The following SERPINB10 variants were observed in gnomAD, a reference collection of about 807,000 sequenced individuals.
The protein encoded by SERPINB10 is serpin B10.
In SERPINB10, 35 loss-of-function variants were observed where a neutral mutation model predicts 39.1. The observed-to-expected ratio is 0.90, with a 90% confidence interval of 0.68 to 1.19. SERPINB10 has a LOEUF of 1.19. SERPINB10 is among the 50% of genes most tolerant of loss of function. The pLI, the probability that SERPINB10 is intolerant of heterozygous loss-of-function variation, is 0.00. For synonymous variants in SERPINB10, 190 were observed against 158.1 expected (o/e 1.20, Z -1.52); for missense variants, 546 against 460.5 (o/e 1.19, Z -1.70).
At chr18:63,930,359 CCT>C (rs2050213738) in intron 6 of SERPINB10, among the ~76,000 whole-genome samples, 172 bp downstream of exon 6, 1 of 152,062 alleles carries the variant, frequency 6.6e-6, no homozygotes. Context: ...TTGAAATTCC[CCT>C]GTCCTTGTTT....
intron 5 of SERPINB10, among the ~76,000 whole-genome samples, chr18:63,920,731 G>T (rs1173639761): frequency 6.6e-6 from 1 of 151,942 alleles, no homozygotes; most frequent in East Asian, 1.9e-4. Flanking sequence ...GACTTTCCTA[G>T]TTTTAGGATC....
intron 4 of SERPINB10, among the ~76,000 whole-genome samples, chr18:63,919,448 C>T (rs181689441): frequency 6.6e-6 from 1 of 151,922 alleles, no homozygotes; most frequent in Non-Finnish European, 1.5e-5. Context: ...CTCTTGGCCA[C>T]TGGGGTCACT....
rs190415918 is a variant in SERPINB10, at chr18:63,933,030, T to A, written c.634-18T>A. The A allele has an allele frequency of 1.4e-5, 22 of 1,603,912 alleles. No individual in the cohort carries two copies. The African/African-American group carries it at 2.7e-4, about 20-fold the overall frequency. On this transcript the variant is annotated intron_variant, in intron 6 of 7. Transcript: ENST00000238508. ...AATGACCTTGTTACCTGTTTTTTTG[T>A]TTTTTTGTTTTTTTTAGACTACAAG...
At chr18:63,922,697 G>T (rs752263116) in intron 5 of SERPINB10, among the ~76,000 whole-genome samples, 2 of 151,910 alleles carry the variant, frequency 1.3e-5, no homozygotes, top group Non-Finnish European at 2.9e-5. Flanking sequence ...TGCACTGAAG[G>T]TACATAACAA....
At chr18:63,918,709 T>A (rs2050123303) in intron 4 of SERPINB10, among the ~76,000 whole-genome samples, 2 of 152,050 alleles carry the variant, frequency 1.3e-5, no homozygotes, top group Admixed American at 1.3e-4. Flanking sequence ...CAAGCAATGC[T>A]ATCTCTGTTC....
chr18:63,930,122 A>G lies in SERPINB10; in HGVS notation c.568A>G (p.Lys190Glu). The G allele has an allele frequency of 6.2e-7, 1 of 1,613,652 alleles. No homozygotes were observed. ...GATTCTGGTGAACGCCCTATACTTTAAAGGAATCTGGGAACATCAATTCTT... is the reference window on the plus strand; with the variant it reads ...GATTCTGGTGAACGCCCTATACTTTGAAGGAATCTGGGAACATCAATTCTT... ...RMILVNALYF[K>E]GIWEHQFLVQ... The change falls in exon 6 of 8, where the codon AAA (lysine) becomes GAA (glutamate). Residue 190 changes from lysine to glutamate, a missense_variant. By Grantham distance (56) the Lys-to-Glu change is moderately conservative. Coordinates refer to ENST00000238508, the MANE Select transcript of SERPINB10 (RefSeq NM_005024.3).
intron 7 of SERPINB10, among the ~76,000 whole-genome samples, chr18:63,934,162 C>T (rs1267079199): frequency 2.6e-5 from 4 of 152,136 alleles, no homozygotes; most frequent in Non-Finnish European, 4.4e-5. Context: ...TTGAAACAAA[C>T]ATGTCATTTA....
At chr18:63,909,608 A>G (rs73478025) in intron 1 of SERPINB10, among the ~76,000 whole-genome samples, 6,416 of 152,086 alleles carry the variant, frequency 0.042, 495 homozygotes, top group African/African-American at 0.15. Context: ...TTTCAGGAAC[A>G]TGTTACAAGT....
intron 7 of SERPINB10, among the ~76,000 whole-genome samples, chr18:63,934,212 G>GTATATATA (rs535510272): frequency 6.6e-6 from 1 of 151,878 alleles, no homozygotes; most frequent in Non-Finnish European, 1.5e-5. Context: ...GTATTTTTGT[G>GTATATATA]TATACATATA....
intron 5 of SERPINB10, among the ~76,000 whole-genome samples, chr18:63,929,173 C>T (rs950282420): frequency 2.6e-5 from 4 of 152,168 alleles, no homozygotes; most frequent in South Asian, 2.1e-4. Flanking sequence ...CAGCTTTCCA[C>T]CTTCTCTTAA....
intron 5 of SERPINB10, among the ~76,000 whole-genome samples, chr18:63,922,745 C>A (rs1472827616): frequency 1.3e-5 from 2 of 152,080 alleles, no homozygotes; most frequent in East Asian, 1.9e-4. Flanking sequence ...TCCAGAAGAT[C>A]TTCCTATGAT....
chr18:63,915,653 G>A lies in SERPINB10; in HGVS notation c.143G>A (p.Gly48Asp). 1 of 1,611,508 alleles carries A rather than the reference G, an allele frequency of 6.2e-7. No homozygotes were observed. Among genetic ancestry groups the A allele is most frequent in the East Asian group, 2.2e-5 (1 of 44,784 alleles). Residue 48 changes from glycine (G) to aspartate (D), a missense_variant, in exon 2 of 8, where the codon GGT becomes GAT. Transcript: ENST00000238508. Reference sequence around the variant, plus strand: ...ACCATAGTGTATTTGGGCGCCAAAGGTACCACTGCAGCCCAAATGGCCCAG... The same window carrying A: ...ACCATAGTGTATTTGGGCGCCAAAGATACCACTGCAGCCCAAATGGCCCAG... ...SLTIVYLGAKGTTAAQMAQVL... is the reference protein window; with the variant it reads ...SLTIVYLGAKDTTAAQMAQVL...
chr18:63,929,146 C>A (rs1345211431), intron 5 of SERPINB10, among the ~76,000 whole-genome samples: 6 of 152,036 alleles, frequency 3.9e-5, no homozygotes, highest in African/African-American at 1.4e-4. Context: ...TGCCAAAACT[C>A]AAACCCTATC....
chr18:63,921,123 A>C (rs1178119386), intron 5 of SERPINB10, among the ~76,000 whole-genome samples: 1 of 152,010 alleles, frequency 6.6e-6, no homozygotes, highest in Non-Finnish European at 1.5e-5. Flanking sequence ...TTATGAAGAA[A>C]TACAAAGGCA....
intron 5 of SERPINB10, among the ~76,000 whole-genome samples, chr18:63,920,925 C>T (rs1479364391): frequency 6.6e-6 from 1 of 151,852 alleles, no homozygotes; most frequent in Non-Finnish European, 1.5e-5. Context: ...ATTTAACAGT[C>T]TTTTATTGTT....
intron 5 of SERPINB10, among the ~76,000 whole-genome samples, chr18:63,929,470 A>G (rs1005312835): frequency 6.6e-6 from 1 of 152,054 alleles, no homozygotes. Flanking sequence ...GAGTATATTA[A>G]CAATGACATA....
At chr18:63,921,858 C>T (rs1741747118) in intron 5 of SERPINB10, among the ~76,000 whole-genome samples, 3 of 151,896 alleles carry the variant, frequency 2.0e-5, no homozygotes, top group South Asian at 4.1e-4. Flanking sequence ...CCCGAACTCC[C>T]TGTGCTACTT....
At chr18:63,915,729 C>T (rs1397965767) in intron 2 of SERPINB10, 51 bp downstream of exon 2, 1 of 1,474,224 alleles carries the variant, frequency 6.8e-7, no homozygotes, top group Non-Finnish European at 9.2e-7. Flanking sequence ...TAAGTGCTTT[C>T]ATTGCCTTTT....
intron 5 of SERPINB10, among the ~76,000 whole-genome samples, chr18:63,922,491 G>C (rs1397022611): frequency 6.6e-6 from 1 of 151,954 alleles, no homozygotes; most frequent in Admixed American, 6.6e-5. Context: ...TTATGTTTTA[G>C]ATTCCTAGCC....
Sources: gnomAD v4.1 joint callset for allele counts (sites outside exome capture counted in the v4.1 genomes callset) on GRCh38, gnomAD v4.1.1 for gene constraint, MANE v1.5 for transcripts, NCBI Gene and HGNC (gene_info 2026-07-23, HGNC 2026-07-21) for gene names.